RPS6KC1: variants seen among roughly 807,000 people sequenced by gnomAD.
The protein encoded by RPS6KC1 is inactive ribosomal protein S6 kinase delta-1.
A neutral mutation model predicts 103.8 loss-of-function variants in RPS6KC1; 54 were observed. The observed-to-expected ratio is 0.52, with a 90% CI of 0.42 to 0.65. The LOEUF is 0.65. Ranked by LOEUF, RPS6KC1 falls within the 30% of genes least tolerant of loss-of-function variation. The pLI is 0.00. For synonymous variants in RPS6KC1, 439 were observed against 438.7 expected, an observed-to-expected ratio of 1.00 and a Z score of -0.01; for missense variants, 1,151 against 1,253.8, an observed-to-expected ratio of 0.92 and a Z score of 1.24.
the RPS6KC1 span, among the ~76,000 whole-genome samples, chr1:213,589,864 T>C: frequency 1.5e-4 from 23 of 151,774 alleles, no homozygotes; most frequent in African/African-American, 5.6e-4. Flanking sequence ...GGCTGAAAGA[T>C]GGGCAGTAAG....
the RPS6KC1 span, among the ~76,000 whole-genome samples, chr1:213,431,360 A>AT: frequency 1.3e-4 from 20 of 151,670 alleles, no homozygotes; most frequent in East Asian, 9.7e-4. Context: ...GTTATATGAG[A>AT]TTTTTTTTTC....
chr1:213,449,105 A>G, the RPS6KC1 span, among the ~76,000 whole-genome samples: 4 of 152,128 alleles, frequency 2.6e-5, no homozygotes, highest in Non-Finnish European at 1.5e-5. Flanking sequence ...AAACTTTTAA[A>G]TCAGCCTTCA....
chr1:213,640,719 C>G, the RPS6KC1 span, among the ~76,000 whole-genome samples: 1 of 151,562 alleles, frequency 6.6e-6, no homozygotes, highest in Non-Finnish European at 1.5e-5. Context: ...TTATTGATTT[C>G]TAGTATAATT....
At chr1:213,422,604 G>C in the RPS6KC1 span, among the ~76,000 whole-genome samples, 1 of 152,156 alleles carries the variant, frequency 6.6e-6, no homozygotes, top group Non-Finnish European at 1.5e-5. Context: ...AGTGTTTGTT[G>C]AATGAATACA....
chr1:213,360,290 G>A, the RPS6KC1 span, among the ~76,000 whole-genome samples: 2 of 151,926 alleles, frequency 1.3e-5, no homozygotes, highest in East Asian at 1.9e-4. Flanking sequence ...TTCTCTTCTT[G>A]CTTCATTTCA....
the RPS6KC1 span, among the ~76,000 whole-genome samples, chr1:213,570,724 G>T: frequency 6.6e-6 from 1 of 152,166 alleles, no homozygotes; most frequent in African/African-American, 2.4e-5. Flanking sequence ...CAGGTCAAAT[G>T]GTGTGGAGGG....
chr1:213,609,392 C>T, the RPS6KC1 span, among the ~76,000 whole-genome samples: 2,345 of 152,248 alleles, frequency 0.015, 59 homozygotes, highest in African/African-American at 0.053. Flanking sequence ...TTTGTCCTCA[C>T]GCCCACCATG....
the RPS6KC1 span, among the ~76,000 whole-genome samples, chr1:213,570,844 C>A: frequency 6.6e-6 from 1 of 152,202 alleles, no homozygotes; most frequent in Non-Finnish European, 1.5e-5. Flanking sequence ...CACCGTGAAA[C>A]CAGCCTAACC....
the RPS6KC1 span, among the ~76,000 whole-genome samples, chr1:213,764,604 C>T: frequency 1.3e-5 from 2 of 152,174 alleles, no homozygotes; most frequent in Non-Finnish European, 2.9e-5. Flanking sequence ...CTGGCATTGG[C>T]CTCAGTCCTC....
the RPS6KC1 span, among the ~76,000 whole-genome samples, chr1:213,649,432 C>G: frequency 6.6e-6 from 1 of 152,094 alleles, no homozygotes; most frequent in Non-Finnish European, 1.5e-5. Context: ...ACTCCGCCCC[C>G]ACCTAGCCCT....
chr1:213,467,775 T>A, the RPS6KC1 span, among the ~76,000 whole-genome samples: 1 of 152,164 alleles, frequency 6.6e-6, no homozygotes, highest in Non-Finnish European at 1.5e-5. Flanking sequence ...GAGAACATAT[T>A]CCAGGCTATT....
the RPS6KC1 span, among the ~76,000 whole-genome samples, chr1:213,312,598 G>C: frequency 1.3e-5 from 2 of 152,122 alleles, no homozygotes; most frequent in Non-Finnish European, 2.9e-5. Context: ...TGTGCAGTGT[G>C]GCATTTCTCT....
At chr1:213,383,492 A>G in the RPS6KC1 span, among the ~76,000 whole-genome samples, 1 of 152,210 alleles carries the variant, frequency 6.6e-6, no homozygotes, top group African/African-American at 2.4e-5. Context: ...CAGGGCAAGA[A>G]TTTCATATCC....
intron 3 of RPS6KC1, among the ~76,000 whole-genome samples, chr1:213,079,491 C>T (rs2079655030): frequency 6.6e-6 from 1 of 152,056 alleles, no homozygotes; most frequent in Non-Finnish European, 1.5e-5. Flanking sequence ...TGATCTTGCT[C>T]ACTGTAGCCT....
chr1:213,366,214 ATGCTTAAC>A, the RPS6KC1 span, among the ~76,000 whole-genome samples: 23 of 151,494 alleles, frequency 1.5e-4, no homozygotes, highest in African/African-American at 5.6e-4. Context: ...CCTGACTTGA[ATGCTTAAC>A]TGGATGACAT....
the RPS6KC1 span, among the ~76,000 whole-genome samples, chr1:213,334,415 T>G: frequency 3.3e-5 from 5 of 152,194 alleles, no homozygotes; most frequent in Non-Finnish European, 7.3e-5. Flanking sequence ...CAGTAAGTAC[T>G]CACAGGACTG....
In RPS6KC1 at chr1:213,228,675, A is replaced by C. The variant is rs374758130; in HGVS notation, c.1045-1822A>C. Among the ~76,000 whole-genome samples, 5 of 152,168 alleles carry C rather than the reference A, an allele frequency of 3.3e-5. No individual in the cohort carries two copies. In the East Asian group the frequency reaches 7.7e-4, roughly 23 times the overall value. ...GGAAGGTTGAGGCTGCAGTGAGCTA[A>C]AAATCACACCAGAGCACTCTAGCTT... On this transcript the variant is annotated intron_variant, in intron 8 of 14. Coordinates refer to ENST00000366960, the MANE Select transcript of RPS6KC1 (RefSeq NM_012424.6).
the RPS6KC1 span, among the ~76,000 whole-genome samples, chr1:213,588,013 T>C: frequency 6.6e-6 from 1 of 152,212 alleles, no homozygotes; most frequent in Admixed American, 6.5e-5. Flanking sequence ...TGGCATCTGC[T>C]GAGGGCCTGT....
the RPS6KC1 span, among the ~76,000 whole-genome samples, chr1:213,404,745 C>T: frequency 6.6e-6 from 1 of 152,248 alleles, no homozygotes; most frequent in Non-Finnish European, 1.5e-5. Context: ...TACCTGTGAA[C>T]TGACTGTTGC....
Sources: gnomAD v4.1 joint callset for allele counts (sites outside exome capture counted in the v4.1 genomes callset) on GRCh38, gnomAD v4.1.1 for gene constraint, MANE v1.5 for transcripts, NCBI Gene and HGNC (gene_info 2026-07-23, HGNC 2026-07-21) for gene names.